The following TMEM132C variants were observed in gnomAD, a reference collection of about 807,000 sequenced individuals.
The protein encoded by TMEM132C is protein phosphatase 1, regulatory subunit 152.
TMEM132C carries 29 observed loss-of-function variants against 61.4 expected under a neutral mutation model. The ratio of observed to expected loss-of-function variants is 0.47; its 90% CI spans 0.35 to 0.64. The LOEUF (loss-of-function observed/expected upper bound fraction) is 0.64, where lower values mean the gene tolerates loss of function less well. Ranked by LOEUF, TMEM132C falls within the 30% of genes least tolerant of loss-of-function variation. The pLI is 0.00. For missense variants in TMEM132C, 1,408 were observed against 1,476.9 expected, an observed-to-expected ratio of 0.95 and a Z score of 0.76; for synonymous variants, 656 against 633.1, an observed-to-expected ratio of 1.04 and a Z score of -0.54.
chr12:128,649,657 G>A (rs1021125491), intron 4 of TMEM132C, among the ~76,000 whole-genome samples: 5 of 152,152 alleles, frequency 3.3e-5, no homozygotes, highest in African/African-American at 1.2e-4. Context: ...TATCACTTTG[G>A]AGAAGTATGT....
At chr12:128,506,427 A>AGT (rs1872363259) in intron 2 of TMEM132C, among the ~76,000 whole-genome samples, 1 of 152,150 alleles carries the variant, frequency 6.6e-6, no homozygotes, top group East Asian at 1.9e-4. Context: ...GATGTGGAGG[A>AGT]GTAGATTTGC....
At chr12:128,601,019 C>T (rs1004813224) in intron 3 of TMEM132C, among the ~76,000 whole-genome samples, 1 of 152,136 alleles carries the variant, frequency 6.6e-6, no homozygotes, top group South Asian at 2.1e-4. Context: ...TTTAGTAGCG[C>T]TCAGCAGGCA....
intron 1 of TMEM132C, among the ~76,000 whole-genome samples, chr12:128,343,421 T>TA (rs71449345): frequency 0.038 from 5,203 of 136,536 alleles, 306 homozygotes; most frequent in African/African-American, 0.13. Flanking sequence ...AGACTCAGTC[T>TA]AAAAAAAAAA....
At chr12:128,680,119 C>T (rs1245881505) in intron 5 of TMEM132C, among the ~76,000 whole-genome samples, 5 of 152,174 alleles carry the variant, frequency 3.3e-5, no homozygotes, top group East Asian at 1.9e-4. Flanking sequence ...AGGGCCAGGT[C>T]GTCCAAGGCC....
chr12:128,622,588 A>C (rs1354007475), intron 4 of TMEM132C, among the ~76,000 whole-genome samples: 1 of 151,426 alleles, frequency 6.6e-6, no homozygotes, highest in Non-Finnish European at 1.5e-5. Context: ...CCGGACGTAC[A>C]TGAACAGACC....
At chr12:128,643,666 A>T (rs983614512) in intron 4 of TMEM132C, among the ~76,000 whole-genome samples, 1 of 152,146 alleles carries the variant, frequency 6.6e-6, no homozygotes, top group African/African-American at 2.4e-5. Context: ...ATCTAATTAT[A>T]TGTGTTTTGA....
chr12:128,612,172 T>C (rs1876658596), intron 3 of TMEM132C, among the ~76,000 whole-genome samples: 1 of 152,166 alleles, frequency 6.6e-6, no homozygotes, highest in South Asian at 2.1e-4. Flanking sequence ...GTCGGGTCAG[T>C]CTGGTCTGAC....
intron 4 of TMEM132C, among the ~76,000 whole-genome samples, chr12:128,665,406 TACAC>T (rs1173599298): frequency 8.9e-6 from 1 of 111,910 alleles, no homozygotes; most frequent in Non-Finnish European, 1.9e-5. Flanking sequence ...CACTCACACA[TACAC>T]AAATACAGGC....
chr12:128,539,231 A>T (rs191396930), intron 2 of TMEM132C, among the ~76,000 whole-genome samples: 91 of 152,244 alleles, frequency 6.0e-4, no homozygotes, highest in African/African-American at 2.2e-3. Flanking sequence ...CCCTTGTCTC[A>T]TGTCTTCCTT....
intron 1 of TMEM132C, among the ~76,000 whole-genome samples, chr12:128,362,449 A>C (rs1873735870): frequency 6.6e-6 from 1 of 152,216 alleles, no homozygotes; most frequent in Non-Finnish European, 1.5e-5. Context: ...CTAAAAAGCT[A>C]GCTAGTGGTT....
chr12:128,380,708 G>A (rs1305751857), intron 1 of TMEM132C, among the ~76,000 whole-genome samples: 1 of 152,144 alleles, frequency 6.6e-6, no homozygotes, highest in East Asian at 1.9e-4. Flanking sequence ...TCTAGGACTT[G>A]CAAACCTGCC....
At chr12:128,507,029 G>T (rs1185596207) in intron 2 of TMEM132C, among the ~76,000 whole-genome samples, 1 of 152,094 alleles carries the variant, frequency 6.6e-6, no homozygotes, top group Non-Finnish European at 1.5e-5. Flanking sequence ...GAGAAAAGCA[G>T]ATCCCAGGGA....
chr12:128,551,935 A>G (rs1874188699), intron 3 of TMEM132C, among the ~76,000 whole-genome samples: 1 of 152,214 alleles, frequency 6.6e-6, no homozygotes, highest in Non-Finnish European at 1.5e-5. Context: ...TGCCTCAAGC[A>G]TTCCTGGAGC....
chr12:128,634,796 C>G (rs1393167502), intron 4 of TMEM132C, among the ~76,000 whole-genome samples: 1 of 152,198 alleles, frequency 6.6e-6, no homozygotes, highest in Non-Finnish European at 1.5e-5. Context: ...GGTTTTAGCA[C>G]CAAACCAAAG....
intron 4 of TMEM132C, among the ~76,000 whole-genome samples, chr12:128,661,751 T>C (rs1193445093): frequency 6.6e-6 from 1 of 152,128 alleles, no homozygotes; most frequent in Non-Finnish European, 1.5e-5. Flanking sequence ...TGGATCTAAA[T>C]AGGAATAAAT....
intron 1 of TMEM132C, among the ~76,000 whole-genome samples, chr12:128,372,209 G>A (rs1874047024): frequency 6.6e-6 from 1 of 152,204 alleles, no homozygotes; most frequent in African/African-American, 2.4e-5. Context: ...ATGACATTGA[G>A]TCCGTGGAGT....
intron 1 of TMEM132C, among the ~76,000 whole-genome samples, chr12:128,311,269 T>C (rs1001507425): frequency 2.6e-5 from 4 of 152,176 alleles, no homozygotes; most frequent in African/African-American, 7.2e-5. Context: ...AGCCACCCCT[T>C]ATTAACTCAG....
At chr12:128,658,693 A>T (rs1231530003) in intron 4 of TMEM132C, among the ~76,000 whole-genome samples, 4 of 152,230 alleles carry the variant, frequency 2.6e-5, no homozygotes, top group Non-Finnish European at 5.9e-5. Flanking sequence ...CACAAAAATC[A>T]TCACAAATGT....
At chr12:128,339,731 T>C (rs937289728) in intron 1 of TMEM132C, among the ~76,000 whole-genome samples, 2 of 151,830 alleles carry the variant, frequency 1.3e-5, no homozygotes, top group African/African-American at 4.8e-5. Flanking sequence ...TCCATGCATT[T>C]GAGGAGCTGA....
Sources: allele counts gnomAD v4.1 joint callset (sites outside exome capture counted in the v4.1 genomes callset), GRCh38; gene constraint gnomAD v4.1.1; transcripts MANE v1.5; gene names NCBI Gene and HGNC (gene_info 2026-07-23, HGNC 2026-07-21).